Variants in NR5A2 observed in about 807,000 individuals in gnomAD.
NR5A2 encodes the protein nuclear receptor subfamily 5 group A member 2, also known as CYP7A promoter-binding factor.
A neutral mutation model predicts 62.7 loss-of-function variants in NR5A2; 26 were observed. The observed-to-expected ratio is 0.41, with a 90% CI of 0.30 to 0.58. The LOEUF (loss-of-function observed/expected upper bound fraction) is 0.58, where lower values mean the gene tolerates loss of function less well. Ranked by LOEUF, NR5A2 falls within the 20% of genes least tolerant of loss-of-function variation. The probability of loss-of-function intolerance (pLI) is 0.22; values close to 1 mark genes in which losing one functional copy is unlikely to be tolerated. For synonymous variants in NR5A2, 246 were observed against 241.7 expected, an observed-to-expected ratio of 1.02 and a Z score of -0.16; for missense variants, 541 against 669.1, an observed-to-expected ratio of 0.81 and a Z score of 2.11.
rs187949224 is a variant in NR5A2, at chr1:200,122,866, G to A, written c.1378+1911G>A. Among the ~76,000 whole-genome samples, 399 of 152,304 alleles carry A rather than the reference G, an allele frequency of 2.6e-3. 3 individuals are homozygous for A. Among genetic ancestry groups the A allele is most frequent in the Non-Finnish European group, 4.4e-3 (302 of 68,028 alleles). On this transcript the variant is annotated intron_variant, in intron 7 of 7. Transcript: ENST00000367362. Reference sequence around the variant, plus strand: ...TAGAGAAGCAGGAGAAAAGTAACCAGTAGTAAAATTCAAGTAGTTTCTAAT... The same window carrying A: ...TAGAGAAGCAGGAGAAAAGTAACCAATAGTAAAATTCAAGTAGTTTCTAAT...
chr1:200,092,825 C>T (rs960224173), intron 5 of NR5A2, among the ~76,000 whole-genome samples: 6 of 148,960 alleles, frequency 4.0e-5, no homozygotes, highest in Admixed American at 2.0e-4. Context: ...TGAATACAGG[C>T]AGATGACTTG....
intron 5 of NR5A2, among the ~76,000 whole-genome samples, chr1:200,053,343 C>T (rs545215015): frequency 6.6e-6 from 1 of 152,158 alleles, no homozygotes; most frequent in South Asian, 2.1e-4. Flanking sequence ...AGATGTGCAT[C>T]AAAAGATACT....
chr1:200,061,691 T>C (rs534814421), intron 5 of NR5A2, among the ~76,000 whole-genome samples: 4 of 152,346 alleles, frequency 2.6e-5, no homozygotes, highest in Admixed American at 2.0e-4. Flanking sequence ...TCCTTTATTG[T>C]GCAATAAGAG....
At chr1:200,156,838 A>G (rs1485548201) in intron 7 of NR5A2, among the ~76,000 whole-genome samples, 1 of 152,216 alleles carries the variant, frequency 6.6e-6, no homozygotes, top group Non-Finnish European at 1.5e-5. Flanking sequence ...AAGGCAGGCT[A>G]GGCTAAGCTA....
rs368530284 is a variant in NR5A2 at position 200,043,912 on chromosome 1, C to T, written c.321+20C>T. 2 of 1,484,902 alleles carry T rather than the reference C, an allele frequency of 1.3e-6. No individual in the cohort carries two copies. Among genetic ancestry groups the T allele is most frequent in the African/African-American group, 2.8e-5 (2 of 72,034 alleles). The allele number at this position is 1,484,902 out of a possible 1,614,324, so 92.0% of individuals were successfully genotyped here. ...TGCAAGGTTTGCTCACACATTGCTA[C>T]CTGAAAAATATAATGTCCAACACCA... On this transcript the variant is annotated intron_variant, in intron 3 of 7. Transcript: ENST00000367362.
At chr1:200,155,351 T>A (rs16846138) in intron 7 of NR5A2, among the ~76,000 whole-genome samples, 3 of 152,134 alleles carry the variant, frequency 2.0e-5, no homozygotes, top group African/African-American at 7.2e-5. Context: ...AAGATAGAGA[T>A]AAAATGAAGC....
At chr1:200,032,448 A>ACTT (rs1661582333) in intron 1 of NR5A2, among the ~76,000 whole-genome samples, 2 of 152,242 alleles carry the variant, frequency 1.3e-5, no homozygotes, top group South Asian at 4.1e-4. Flanking sequence ...TTAAACACCA[A>ACTT]ATAACCTGAA....
intron 4 of NR5A2, 24 bp downstream of exon 4, chr1:200,045,608 G>A: frequency 1.3e-6 from 2 of 1,594,364 alleles, no homozygotes; most frequent in Non-Finnish European, 1.7e-6. Flanking sequence ...AAAGACTACT[G>A]CCTATTAAAA....
chr1:200,031,227 G>C (rs967045235), intron 1 of NR5A2, among the ~76,000 whole-genome samples: 9 of 152,282 alleles, frequency 5.9e-5, no homozygotes, highest in Middle Eastern at 3.4e-3. Flanking sequence ...TCTTGGGCCA[G>C]GCACAGTGTC....
At chr1:200,117,856 G>A (rs186632068) in intron 6 of NR5A2, among the ~76,000 whole-genome samples, 107 of 151,904 alleles carry the variant, frequency 7.0e-4, no homozygotes, top group African/African-American at 2.3e-3. Context: ...TGGGATTACA[G>A]GCACTTGCCA....
intron 5 of NR5A2, among the ~76,000 whole-genome samples, chr1:200,090,694 C>T (rs1571455954): frequency 1.3e-5 from 2 of 152,168 alleles, no homozygotes. Flanking sequence ...AACAAAAACC[C>T]TTCTCAGTGT....
At chr1:200,066,158 G>GGGAGAGAT (rs1388719002) in intron 5 of NR5A2, among the ~76,000 whole-genome samples, 1 of 152,140 alleles carries the variant, frequency 6.6e-6, no homozygotes, top group African/African-American at 2.4e-5. Flanking sequence ...ATCACCCCAG[G>GGGAGAGAT]GGAGAGATGG....
rs114969090 is a variant in NR5A2 at position 200,045,602 on chromosome 1, A to T, written c.463+18A>T. On this transcript the variant is annotated intron_variant, in intron 4 of 7. Coordinates refer to ENST00000367362, the MANE Select transcript of NR5A2 (RefSeq NM_205860.3). ...GCTAGAAGGTAAGATTCTTCTAAAG[A>T]CTACTGCCTATTAAAACTCTCCAAG... 24 of 1,597,824 alleles carry T rather than the reference A, an allele frequency of 1.5e-5. No individual in the cohort carries two copies. The African/African-American group carries it at 3.2e-4, about 22-fold the overall frequency.
chr1:200,090,662 T>G (rs1664770633), intron 5 of NR5A2, among the ~76,000 whole-genome samples: 1 of 152,218 alleles, frequency 6.6e-6, no homozygotes, highest in Non-Finnish European at 1.5e-5. Context: ...AATCAGTAAG[T>G]AAGATCAGGG....
intron 5 of NR5A2, among the ~76,000 whole-genome samples, chr1:200,088,285 C>T (rs1025134088): frequency 6.6e-6 from 1 of 150,910 alleles, no homozygotes; most frequent in Admixed American, 6.6e-5. Flanking sequence ...TCTCATCCCA[C>T]TTGCTCTTGT....
intron 5 of NR5A2, among the ~76,000 whole-genome samples, chr1:200,059,255 T>C (rs1269109161): frequency 6.6e-6 from 1 of 152,000 alleles, no homozygotes; most frequent in African/African-American, 2.4e-5. Flanking sequence ...TATATATAAT[T>C]GGAGGGGCAC....
intron 6 of NR5A2, among the ~76,000 whole-genome samples, chr1:200,119,464 T>A (rs1425469486): frequency 2.0e-5 from 3 of 152,194 alleles, no homozygotes; most frequent in Non-Finnish European, 4.4e-5. Flanking sequence ...CTGAGAGCTC[T>A]CCAGTAAAAA....
intron 5 of NR5A2, among the ~76,000 whole-genome samples, chr1:200,079,382 G>A (rs115810963): frequency 1.3e-5 from 2 of 152,138 alleles, no homozygotes; most frequent in Admixed American, 6.5e-5. Flanking sequence ...TCACAGGCCC[G>A]CTGCTTTACA....
At chr1:200,066,080 A>G (rs910734994) in intron 5 of NR5A2, among the ~76,000 whole-genome samples, 10 of 152,176 alleles carry the variant, frequency 6.6e-5, no homozygotes, top group Non-Finnish European at 1.0e-4. Context: ...TTCTCAGTAG[A>G]AAAACTATTG....
Sources: allele counts gnomAD v4.1 joint callset (sites outside exome capture counted in the v4.1 genomes callset), GRCh38; gene constraint gnomAD v4.1.1; transcripts MANE v1.5; gene names NCBI Gene and HGNC (gene_info 2026-07-23, HGNC 2026-07-21).